The following MAP4 variants were observed in gnomAD, a reference collection of about 807,000 sequenced individuals.
The protein encoded by MAP4 is microtubule associated protein 4, also known as microtubule-associated protein 4.
In MAP4, 76 loss-of-function variants were observed where a neutral mutation model predicts 170.2. That is an observed-to-expected ratio of 0.45 (90% CI 0.37 to 0.54). The LOEUF is 0.54. Among genes scored for constraint, MAP4 ranks in the 20% least tolerant of loss-of-function variants. MAP4 has a pLI of 0.00. For synonymous variants in MAP4, 909 were observed against 994.5 expected (o/e 0.91, Z 1.62); for missense variants, 2,506 against 2,748.0 (o/e 0.91, Z 1.97).
At chr3:48,004,562 T>C (rs942647119) in intron 1 of MAP4, among the ~76,000 whole-genome samples, 4 of 152,210 alleles carry the variant, frequency 2.6e-5, no homozygotes, top group African/African-American at 4.8e-5. Flanking sequence ...GTGAGAGTCT[T>C]AGCTCCTGTT....
In MAP4 at chr3:47,982,083, G is replaced by A. The variant is rs182121441; in HGVS notation, c.224-4150C>T. Among the ~76,000 whole-genome samples the A allele has an allele frequency of 7.9e-5, 12 of 152,120 alleles. No homozygotes were observed. The East Asian group carries it at 1.2e-3, about 15-fold the overall frequency. On this transcript the variant is annotated intron_variant, in intron 2 of 20. Coordinates refer to ENST00000683076, the MANE Select transcript of MAP4 (RefSeq NM_001385682.1). ...GCAGATCACTTGAGGCCAGGAATTC[G>A]AGACCAGCCTGGTCAACACAGTAAA...
At chr3:47,979,541 C>T (rs1395225771) in intron 2 of MAP4, among the ~76,000 whole-genome samples, 1 of 152,052 alleles carries the variant, frequency 6.6e-6, no homozygotes, top group Non-Finnish European at 1.5e-5. Context: ...CTGCAACCTC[C>T]ACCTCCTGGG....
At chr3:48,008,966 T>C (rs2100103853) in intron 1 of MAP4, among the ~76,000 whole-genome samples, 1 of 152,208 alleles carries the variant, frequency 6.6e-6, no homozygotes, top group Non-Finnish European at 1.5e-5. Context: ...ATATTGGACC[T>C]CTTCCATCAT....
intron 2 of MAP4, among the ~76,000 whole-genome samples, chr3:47,980,218 T>C (rs574033370): frequency 5.9e-5 from 9 of 152,224 alleles, no homozygotes; most frequent in Non-Finnish European, 8.8e-5. Context: ...TTATATGCAA[T>C]TGCATATAAG....
intron 3 of MAP4, among the ~76,000 whole-genome samples, chr3:47,932,508 C>T (rs1290881441): frequency 6.6e-6 from 1 of 152,140 alleles, no homozygotes; most frequent in Non-Finnish European, 1.5e-5. Context: ...CAAACTGTTT[C>T]CAAAATGGCT....
At chr3:47,956,148 C>T (rs908387597) in intron 3 of MAP4, among the ~76,000 whole-genome samples, 7 of 151,922 alleles carry the variant, frequency 4.6e-5, no homozygotes, top group African/African-American at 1.5e-4. Context: ...ATGTGCAGCA[C>T]GATCTATCAT....
intron 2 of MAP4, among the ~76,000 whole-genome samples, chr3:47,980,375 T>C (rs972388532): frequency 6.6e-6 from 1 of 152,144 alleles, no homozygotes; most frequent in African/African-American, 2.4e-5. Flanking sequence ...GAGATATTAT[T>C]CCTAAGACAA....
At chr3:47,961,827 AG>A (rs1302491610) in intron 3 of MAP4, among the ~76,000 whole-genome samples, 1 of 152,196 alleles carries the variant, frequency 6.6e-6, no homozygotes, top group Non-Finnish European at 1.5e-5. Flanking sequence ...AAGTTCCACC[AG>A]TGCCTCAAAC....
Position 47,911,586 on chromosome 3 carries a change from T to C in MAP4, c.2835A>G (p.Lys945=). 1 of 1,536,128 alleles carries C rather than the reference T, an allele frequency of 6.5e-7. No homozygotes were observed. Among genetic ancestry groups the C allele is most frequent in the African/African-American group, 1.4e-5 (1 of 73,170 alleles). ...NVETPLDIRL[K]EGCSPFLDQE... ...GGTCCAAGAAAGGAGAGCAACCCTC[T>C]TTAAGTCTGATATCCAAAGGGGTTT... is the stretch of plus-strand genomic sequence containing the variant. Residue 945 remains lysine (K), a synonymous_variant, in exon 9 of 21, where the codon AAA becomes AAG. Coordinates refer to ENST00000683076, the MANE Select transcript of MAP4 (RefSeq NM_001385682.1). The surrounding 1 kb of genome is among the most constrained non-coding windows in gnomAD (Gnocchi z 4.0).
At chr3:47,979,371 T>C (rs2100084121) in intron 2 of MAP4, among the ~76,000 whole-genome samples, 2 of 152,178 alleles carry the variant, frequency 1.3e-5, no homozygotes, top group African/African-American at 4.8e-5. Flanking sequence ...CCATATTACA[T>C]TGGGTTTATT....
chr3:47,962,680 G>A (rs1162602465), intron 3 of MAP4, among the ~76,000 whole-genome samples: 2 of 151,768 alleles, frequency 1.3e-5, no homozygotes, highest in Non-Finnish European at 2.9e-5. Flanking sequence ...GGAAAGAGTG[G>A]AAGAAAAAAT....
At chr3:48,078,587 G>A (rs970329886) in intron 1 of MAP4, among the ~76,000 whole-genome samples, 19 of 152,060 alleles carry the variant, frequency 1.2e-4, no homozygotes, top group African/African-American at 4.1e-4. Flanking sequence ...GAAAGGGGCC[G>A]TGAATGACCT....
At chr3:47,959,282 C>A (rs2100069899) in intron 3 of MAP4, among the ~76,000 whole-genome samples, 1 of 151,648 alleles carries the variant, frequency 6.6e-6, no homozygotes, top group Non-Finnish European at 1.5e-5. Context: ...GCCTGGAGAA[C>A]CCCCGTCTCT....
At chr3:47,973,868 TATGG>T (rs2100080304) in intron 3 of MAP4, 8 of 985,260 alleles carry the variant, frequency 8.1e-6, no homozygotes, top group Non-Finnish European at 9.6e-6. Context: ...GTGTATTCTC[TATGG>T]CAAGAGAGTT....
chr3:47,998,869 AC>A lies in MAP4; in HGVS notation c.-10del. ...AGACTGAGGTCAGCCATTCTGCACC[AC>A]TGCAACTGCCTGGTGAAGAGGAAAA... On this transcript the variant is annotated 5_prime_UTR_variant, in exon 2 of 21. The change creates a new upstream start codon in the 5' untranslated region. Coordinates refer to ENST00000683076, the MANE Select transcript of MAP4 (RefSeq NM_001385682.1). The A allele has an allele frequency of 6.3e-7, 1 of 1,588,716 alleles. No homozygotes were observed. The highest frequency in any genetic ancestry group is 8.6e-7 in the Non-Finnish European group (1 of 1,156,968).
At position 47,852,647 on chromosome 3, in the gene MAP4, G is replaced by T; in HGVS notation, c.*287C>A. On this transcript the variant is annotated 3_prime_UTR_variant, in exon 21 of 21. Coordinates refer to ENST00000683076, the MANE Select transcript of MAP4 (RefSeq NM_001385682.1). Reference sequence around the variant, plus strand: ...CTCCACGGAGCAGTGGCGCAGTGATGGGGCAAGACCAAAGCAGGGAGATGG... The same window carrying T: ...CTCCACGGAGCAGTGGCGCAGTGATTGGGCAAGACCAAAGCAGGGAGATGG... 1 of 1,167,528 alleles carries T rather than the reference G, an allele frequency of 8.6e-7. No individual in the cohort carries two copies. Among genetic ancestry groups the T allele is most frequent in the African/African-American group, 1.5e-5 (1 of 64,674 alleles). 72.3% of individuals were successfully genotyped at this position (1,167,528 alleles called of 1,614,324 possible). A position where few individuals can be genotyped will look rare whatever the true frequency, so the allele number is the denominator to read the frequency against.
chr3:48,054,624 C>A (rs1157098993), intron 1 of MAP4, among the ~76,000 whole-genome samples: 1 of 97,786 alleles, frequency 1.0e-5, no homozygotes, highest in Non-Finnish European at 2.0e-5. Context: ...TGTAAGACTC[C>A]ATCTCAAAAA....
intron 1 of MAP4, among the ~76,000 whole-genome samples, chr3:48,056,934 T>TG (rs1327305324): frequency 8.7e-5 from 7 of 80,772 alleles, no homozygotes; most frequent in East Asian, 3.9e-4. Context: ...GGGAGGGAGG[T>TG]GGGGGGTTCA....
At chr3:47,971,561 T>G (rs529223607) in intron 3 of MAP4, among the ~76,000 whole-genome samples, 2 of 152,316 alleles carry the variant, frequency 1.3e-5, no homozygotes, top group Admixed American at 1.3e-4. Context: ...CTAATTACGA[T>G]GGAAACAACC....
Sources: gnomAD v4.1 joint callset for allele counts (sites outside exome capture counted in the v4.1 genomes callset) on GRCh38, gnomAD v4.1.1 for gene constraint, Gnocchi (gnomAD v3.1) non-coding constraint, MANE v1.5 for transcripts, NCBI Gene and HGNC (gene_info 2026-07-23, HGNC 2026-07-21) for gene names.